The following SLC30A5 variants were observed in gnomAD, a reference collection of about 807,000 sequenced individuals.
SLC30A5 encodes the protein solute carrier family 30 member 5.
Under a neutral mutation model 79.6 loss-of-function variants are expected in SLC30A5, and 33 were observed. That is an observed-to-expected ratio of 0.41 (90% CI 0.31 to 0.55). The LOEUF (loss-of-function observed/expected upper bound fraction) is 0.55, where lower values mean the gene tolerates loss of function less well. SLC30A5 is among the 20% of genes least tolerant of loss of function. The pLI is 0.20. For missense variants in SLC30A5, 788 were observed against 928.1 expected (o/e 0.85, Z 1.96); for synonymous variants, 299 against 319.7 (o/e 0.94, Z 0.69).
In SLC30A5 at chr5:69,108,423, G is replaced by T. The variant is rs765314455; in HGVS notation, c.434G>T (p.Gly145Val). The T allele has an allele frequency of 4.3e-6, 7 of 1,612,606 alleles. No homozygotes were observed. The South Asian group carries it at 7.7e-5, about 18-fold the overall frequency. ...AGTGTTTTGTTCACCAGTTCTGGAGGAGGACCAGCAAAGGTAGAATTTTCC... is the reference window on the plus strand; with the variant it reads ...AGTGTTTTGTTCACCAGTTCTGGAGTAGGACCAGCAAAGGTAGAATTTTCC... ...LLSVLFTSSG[G>V]GPAKTRGAAF... The change falls in exon 5 of 16, where the codon GGA (glycine) becomes GTA (valine). Residue 145 changes from glycine to valine, a missense_variant. By Grantham distance (109) the Gly-to-Val change is moderately radical. Coordinates refer to ENST00000396591, the MANE Select transcript of SLC30A5 (RefSeq NM_022902.5).
intron 4 of SLC30A5, among the ~76,000 whole-genome samples, chr5:69,105,975 G>T (rs2111954029): frequency 6.6e-6 from 1 of 152,340 alleles, no homozygotes; most frequent in Admixed American, 6.5e-5. Flanking sequence ...TGGAAAAATT[G>T]TCTTCCAGGA....
At position 69,115,255 on chromosome 5, in the gene SLC30A5, G is replaced by T; in HGVS notation, c.631G>T (p.Val211Leu). 1 of 1,610,068 alleles carries T rather than the reference G, an allele frequency of 6.2e-7. No individual in the cohort carries two copies. The highest frequency in any genetic ancestry group is 8.5e-7 in the Non-Finnish European group (1 of 1,177,450). The change falls in exon 8 of 16, where the codon GTA becomes TTA. Residue 211 changes from valine to leucine, a missense_variant. Physicochemically the swap from Val to Leu is conservative, Grantham distance 32. Transcript: ENST00000396591. ...ADHKGGVLLL[V>L]LALCCKVGFH... ...CTCACAGGGTGGAGTATTATTGCTA[G>T]TACTGGCTTTGTGTTGTAAAGTTGG...
At chr5:69,120,360 G>C (rs1746503949) in intron 12 of SLC30A5, among the ~76,000 whole-genome samples, 1 of 150,690 alleles carries the variant, frequency 6.6e-6, no homozygotes, top group South Asian at 2.1e-4. Context: ...CTCCAGCCTG[G>C]TTGACAGAGC....
Position 69,117,598 on chromosome 5 carries a change from C to T in SLC30A5, c.1439+202C>T, listed in dbSNP as rs547288048. Among the ~76,000 whole-genome samples the T allele has an allele frequency of 2.6e-5, 4 of 152,314 alleles. No individual in the cohort carries two copies. In the South Asian group the frequency reaches 6.2e-4, roughly 24 times the overall value. ...AGCTCAAAGATTATGCTCCCTTGGC[C>T]GAGCACAGTGGCTCACGCCTGTAAT... On this transcript the variant is annotated intron_variant, in intron 11 of 15. Coordinates refer to ENST00000396591, the MANE Select transcript of SLC30A5 (RefSeq NM_022902.5).
Position 69,116,344 on chromosome 5 carries a change from G to T in SLC30A5, c.1073-50G>T. On this transcript the variant is annotated intron_variant, in intron 9 of 15. Coordinates refer to ENST00000396591, the MANE Select transcript of SLC30A5 (RefSeq NM_022902.5). The surrounding 1 kb of genome is among the most constrained non-coding windows in gnomAD (Gnocchi z 4.0). Reference sequence around the variant, plus strand: ...TGCCGACAGTTACTGTGTTGGTTTTGGTAGCTTAAACTTCGAAAATTTAAA... The same window carrying T: ...TGCCGACAGTTACTGTGTTGGTTTTTGTAGCTTAAACTTCGAAAATTTAAA... The T allele has an allele frequency of 6.6e-7, 1 of 1,513,266 alleles. No individual in the cohort carries two copies. The highest frequency in any genetic ancestry group is 8.9e-7 in the Non-Finnish European group (1 of 1,129,336). 93.7% of individuals were successfully genotyped at this position (1,513,266 alleles called of 1,614,324 possible).
intron 1 of SLC30A5, among the ~76,000 whole-genome samples, chr5:69,097,617 A>C (rs562419996): frequency 9.1e-4 from 138 of 152,200 alleles, no homozygotes; most frequent in African/African-American, 3.3e-3. Context: ...GCAGATGTGC[A>C]CCATCATGCC....
intron 13 of SLC30A5, 102 bp from the exon 14 acceptor site, chr5:69,123,097 T>G: frequency 1.4e-6 from 1 of 711,428 alleles, no homozygotes; most frequent in Non-Finnish European, 2.3e-6. Flanking sequence ...AGTAGCAGAG[T>G]ATGTGGTGCA....
At chr5:69,128,210 C>A in intron 15 of SLC30A5, 78 bp downstream of exon 15, 3 of 939,272 alleles carry the variant, frequency 3.2e-6, no homozygotes, top group Non-Finnish European at 4.7e-6. Context: ...TTATATGGCT[C>A]AGTAGTCATT....
chr5:69,108,638 G>A (rs1305550690), intron 5 of SLC30A5, among the ~76,000 whole-genome samples: 11 of 152,066 alleles, frequency 7.2e-5, no homozygotes, highest in South Asian at 2.1e-4. Flanking sequence ...CCTAGCCAAC[G>A]TGGTGAAATT....
intron 12 of SLC30A5, among the ~76,000 whole-genome samples, chr5:69,121,481 T>G (rs1363885934): frequency 6.6e-6 from 1 of 152,106 alleles, no homozygotes; most frequent in African/African-American, 2.4e-5. Context: ...ACTTACCAAT[T>G]CTGCTTGATA....
intron 12 of SLC30A5, among the ~76,000 whole-genome samples, chr5:69,120,746 C>A (rs901506361): frequency 1.3e-5 from 2 of 152,190 alleles, no homozygotes; most frequent in African/African-American, 4.8e-5. Context: ...CCTCCCTACA[C>A]ATTTAATAAA....
At chr5:69,105,101 A>AT (rs745904319) in intron 4 of SLC30A5, among the ~76,000 whole-genome samples, 1 of 152,192 alleles carries the variant, frequency 6.6e-6, no homozygotes, top group Non-Finnish European at 1.5e-5. Context: ...AAAAGCACTC[A>AT]TTTTTTGCAC....
intron 1 of SLC30A5, 109 bp downstream of exon 1, chr5:69,094,447 GC>G: frequency 8.6e-7 from 1 of 1,156,646 alleles, no homozygotes; most frequent in Non-Finnish European, 1.1e-6. Flanking sequence ...GGGTCGGCGC[GC>G]CCTCTCCCCC....
In SLC30A5 at chr5:69,094,232, C is replaced by T; in HGVS notation, c.-24C>T. On this transcript the variant is annotated 5_prime_UTR_variant, in exon 1 of 16. Transcript: ENST00000396591. Reference sequence around the variant, plus strand: ...TGAGGAGACCCCGCGACAGGGGCAGCGGCGGCGGCTCGTGAGCCCCGGGAT... The same window carrying T: ...TGAGGAGACCCCGCGACAGGGGCAGTGGCGGCGGCTCGTGAGCCCCGGGAT... The T allele has an allele frequency of 8.6e-7, 1 of 1,161,482 alleles. No individual in the cohort carries two copies. Among genetic ancestry groups the T allele is most frequent in the Non-Finnish European group, 1.1e-6 (1 of 906,632 alleles). 71.9% of individuals were successfully genotyped at this position (1,161,482 alleles called of 1,614,324 possible).
chr5:69,111,953 A>G (rs1746243814), intron 5 of SLC30A5, among the ~76,000 whole-genome samples: 1 of 152,210 alleles, frequency 6.6e-6, no homozygotes, highest in Non-Finnish European at 1.5e-5. Context: ...CTACAAGTAT[A>G]TGTATCATAC....
At chr5:69,123,178 C>A (rs1477285529) in intron 13 of SLC30A5, 21 bp from the exon 14 acceptor site, 3 of 1,529,678 alleles carry the variant, frequency 2.0e-6, no homozygotes, top group East Asian at 2.3e-5. Flanking sequence ...TTTTTAATGT[C>A]CTTATATATT....
At chr5:69,097,351 G>A (rs1745775108) in intron 1 of SLC30A5, among the ~76,000 whole-genome samples, 1 of 152,104 alleles carries the variant, frequency 6.6e-6, no homozygotes, top group Non-Finnish European at 1.5e-5. Flanking sequence ...TCCTGACCTC[G>A]TGATCCGCCC....
chr5:69,107,581 C>G (rs561639888), intron 4 of SLC30A5, among the ~76,000 whole-genome samples: 13 of 152,190 alleles, frequency 8.5e-5, no homozygotes, highest in African/African-American at 3.1e-4. Context: ...CTTGTTTACA[C>G]CAGCATCACC....
intron 14 of SLC30A5, among the ~76,000 whole-genome samples, chr5:69,127,531 C>T (rs1006197976): frequency 4.0e-5 from 6 of 151,264 alleles, no homozygotes; most frequent in African/African-American, 1.5e-4. Flanking sequence ...CCGTAGTCAG[C>T]TACTTGGGAG....
Sources: allele counts gnomAD v4.1 joint callset (sites outside exome capture counted in the v4.1 genomes callset), GRCh38; gene constraint gnomAD v4.1.1; non-coding constraint Gnocchi (gnomAD v3.1); transcripts MANE v1.5; gene names NCBI Gene and HGNC (gene_info 2026-07-23, HGNC 2026-07-21).